GVQW3: variants seen among roughly 807,000 people sequenced by gnomAD.
GVQW3 encodes the protein GVQW motif containing 3.
A neutral mutation model predicts 12.5 loss-of-function variants in GVQW3; 7 were observed. The ratio of observed to expected loss-of-function variants is 0.56; its 90% CI spans 0.32 to 1.05. The LOEUF (loss-of-function observed/expected upper bound fraction) is 1.05. GVQW3 is among the 50% of genes least tolerant of loss of function. GVQW3 has a pLI of 0.04. For missense variants in GVQW3, 188 were observed against 190.8 expected (o/e 0.99, Z 0.09); for synonymous variants, 71 against 67.2 (o/e 1.06, Z -0.28).
chr11:76,392,828 T>A (rs954244169), intron 1 of GVQW3: 1 of 152,230 alleles, frequency 6.6e-6, no homozygotes, highest in Non-Finnish European at 1.5e-5. Context: ...TAGTGTGTTA[T>A]GTTTTGTGTT....
chr11:76,399,094 A>AATTGT (rs573608920), intron 1 of GVQW3, among the ~76,000 whole-genome samples: 15 of 151,876 alleles, frequency 9.9e-5, no homozygotes, highest in African/African-American at 2.2e-4. Flanking sequence ...CTAGTCATGT[A>AATTGT]ATTGTATTGT....
rs182497895 is a variant in GVQW3 at position 76,399,647 on chromosome 11, T to C, written c.466-4013T>C. Among the ~76,000 whole-genome samples, 8 of 152,282 alleles carry C rather than the reference T, an allele frequency of 5.3e-5. No homozygotes were observed. In the East Asian group the frequency reaches 1.5e-3, roughly 29 times the overall value. ...GAGTAAAGCAGACTGCCCTTTCTAA[T>C]AATGCGAGCAGGCCTCATTCAGTTG... is the stretch of plus-strand genomic sequence containing the variant. On this transcript the variant is annotated intron_variant, in intron 1 of 1. Transcript: ENST00000529331.
At chr11:76,403,415 G>A (rs564845161) in intron 1 of GVQW3, among the ~76,000 whole-genome samples, 11 of 152,300 alleles carry the variant, frequency 7.2e-5, no homozygotes, top group African/African-American at 2.2e-4. Context: ...AGCCAATGGT[G>A]TCATTCTAGT....
intron 1 of GVQW3, chr11:76,392,427 C>G (rs533902727): frequency 6.6e-6 from 1 of 152,218 alleles, no homozygotes; most frequent in Non-Finnish European, 1.5e-5. Context: ...ACAACCCAAA[C>G]TCGATGAGGG....
intron 1 of GVQW3, among the ~76,000 whole-genome samples, chr11:76,402,985 T>A (rs1267777579): frequency 1.1e-4 from 17 of 152,162 alleles, no homozygotes. Flanking sequence ...TCTTACTCTG[T>A]CGCCCAGGCT....
intron 1 of GVQW3, among the ~76,000 whole-genome samples, chr11:76,387,098 A>G (rs1452717697): frequency 6.6e-6 from 1 of 152,200 alleles, no homozygotes; most frequent in East Asian, 1.9e-4. Context: ...AATTTTATAT[A>G]GTTTTTACAA....
Position 76,381,537 on chromosome 11 carries a change from C to T in GVQW3, c.-292C>T, listed in dbSNP as rs755883930. On this transcript the variant is annotated 5_prime_UTR_variant, in exon 1 of 2. Coordinates refer to ENST00000529331, the MANE Select transcript of GVQW3 (RefSeq NM_001347885.2). ...CGCGGAATCGGAGCGACCTTGGTGA[C>T]TGGCAAACTCTCGGCAGATGTGCGT... 3 of 325,544 alleles carry T rather than the reference C, an allele frequency of 9.2e-6. No homozygotes were observed. The highest frequency in any genetic ancestry group is 1.7e-5 in the Non-Finnish European group (3 of 177,252). The allele number at this position is 325,544 out of a possible 1,614,324, so 20.2% of individuals were successfully genotyped here. A position where few individuals can be genotyped will look rare whatever the true frequency, so the allele number is the denominator to read the frequency against.
intron 1 of GVQW3, among the ~76,000 whole-genome samples, chr11:76,397,705 A>G (rs1946951924): frequency 6.6e-6 from 1 of 152,250 alleles, no homozygotes; most frequent in Non-Finnish European, 1.5e-5. Flanking sequence ...TCTACTGTAT[A>G]AACACAGGAG....
intron 1 of GVQW3, among the ~76,000 whole-genome samples, chr11:76,402,412 G>T (rs1015899417): frequency 3.3e-5 from 5 of 152,064 alleles, no homozygotes; most frequent in African/African-American, 1.2e-4. Context: ...AATTAGCTGG[G>T]TGTGGTGGTG....
chr11:76,401,622 A>G (rs1946989748), intron 1 of GVQW3, among the ~76,000 whole-genome samples: 1 of 152,006 alleles, frequency 6.6e-6, no homozygotes, highest in Non-Finnish European at 1.5e-5. Context: ...AAAATATAAA[A>G]ATTAGCCAGG....
rs532335944 is a variant in GVQW3, at chr11:76,405,189, T to C, written c.*1431T>C. 6.6e-6 allele frequency: 1 copy of C among 152,288 alleles called. No individual in the cohort carries two copies. The highest frequency in any genetic ancestry group is 2.1e-4 in the South Asian group (1 of 4,818). The allele number at this position is 152,288 out of a possible 1,614,324, so 9.4% of individuals were successfully genotyped here. A position where few individuals can be genotyped will look rare whatever the true frequency, so the allele number is the denominator to read the frequency against. On this transcript the variant is annotated 3_prime_UTR_variant, in exon 2 of 2. Transcript: ENST00000529331. ...GGTGCGGACAGTTCAGACTCAGCAG[T>C]CCTGTTTCATCAGGAAAGCAAAAGC...
At chr11:76,413,516 C>G (rs1296544279) in exon 2 of GVQW3, 1 of 152,120 alleles carries the variant, frequency 6.6e-6, no homozygotes, top group Non-Finnish European at 1.5e-5. Context: ...ATGGGGATGG[C>G]ATTAGTACCA....
chr11:76,397,341 T>A (rs907945802), intron 1 of GVQW3, among the ~76,000 whole-genome samples: 14 of 152,112 alleles, frequency 9.2e-5, no homozygotes, highest in African/African-American at 3.4e-4. Context: ...TTCCATTGTG[T>A]GAATCTACCA....
At chr11:76,398,940 T>G (rs1158781152) in intron 1 of GVQW3, among the ~76,000 whole-genome samples, 1 of 152,188 alleles carries the variant, frequency 6.6e-6, no homozygotes, top group Non-Finnish European at 1.5e-5. Context: ...ACTTTGAAGA[T>G]ATTATCCTAC....
At chr11:76,393,469 C>T (rs1191987122) in intron 1 of GVQW3, among the ~76,000 whole-genome samples, 1 of 152,222 alleles carries the variant, frequency 6.6e-6, no homozygotes, top group Non-Finnish European at 1.5e-5. Flanking sequence ...CCCTACACTG[C>T]TCCTGTGCTA....
intron 1 of GVQW3, chr11:76,392,079 A>G (rs1050777092): frequency 6.6e-6 from 1 of 152,440 alleles, no homozygotes; most frequent in Non-Finnish European, 1.5e-5. Flanking sequence ...TGGGTTAGGG[A>G]AAGGGCCAGA....
At chr11:76,390,126 A>G (rs530441394) in intron 1 of GVQW3, 2 of 152,234 alleles carry the variant, frequency 1.3e-5, no homozygotes, top group Non-Finnish European at 2.9e-5. Flanking sequence ...TATTATAAAA[A>G]TGTTAAAGGT....
intron 1 of GVQW3, among the ~76,000 whole-genome samples, chr11:76,403,120 G>A (rs1220266597): frequency 6.6e-6 from 1 of 151,772 alleles, no homozygotes; most frequent in Non-Finnish European, 1.5e-5. Flanking sequence ...GCTAATTTTT[G>A]TATTTTTAGT....
At chr11:76,382,562 A>G (rs966328394) in intron 1 of GVQW3, 7 of 598,888 alleles carry the variant, frequency 1.2e-5, no homozygotes, top group African/African-American at 9.3e-5. Context: ...ACTCCTCCCT[A>G]TGTGCCATGG....
Sources: allele counts gnomAD v4.1 joint callset (sites outside exome capture counted in the v4.1 genomes callset), GRCh38; gene constraint gnomAD v4.1.1; transcripts MANE v1.5; gene names NCBI Gene and HGNC (gene_info 2026-07-23, HGNC 2026-07-21).